C11orf54: variants seen among roughly 807,000 people sequenced by gnomAD.
C11orf54 encodes beta-keto L-gulonate decarboxylase.
A neutral mutation model predicts 35.5 loss-of-function variants in C11orf54; 29 were observed. That is an observed-to-expected ratio of 0.82 (90% CI 0.61 to 1.11). The LOEUF (loss-of-function observed/expected upper bound fraction) is 1.11. Among genes scored for constraint, C11orf54 ranks in the 50% most tolerant of loss-of-function variants. The pLI is 0.00. For missense variants in C11orf54, 373 were observed against 369.2 expected, an observed-to-expected ratio of 1.01 and a Z score of -0.08; for synonymous variants, 108 against 121.1, an observed-to-expected ratio of 0.89 and a Z score of 0.71.
intron 5 of C11orf54, 35 bp downstream of exon 5, chr11:93,754,072 G>T: frequency 6.4e-7 from 1 of 1,562,958 alleles, no homozygotes; most frequent in East Asian, 2.2e-5. Flanking sequence ...TTACTTTATT[G>T]GTTTGACATT....
Position 93,747,377 on chromosome 11 carries a change from C to G in C11orf54, c.-17C>G. ...GTAGCTCTATTTGTCCAACCTCACA[C>G]CTAAAGAAGAAAGAAAATGGCTTGT... On this transcript the variant is annotated 5_prime_UTR_variant, in exon 2 of 9. Coordinates refer to ENST00000354421, the MANE Select transcript of C11orf54 (RefSeq NM_001286069.2). The G allele has an allele frequency of 6.3e-7, 1 of 1,580,856 alleles. No individual in the cohort carries two copies. Among genetic ancestry groups the G allele is most frequent in the Non-Finnish European group, 8.6e-7 (1 of 1,166,016 alleles).
At chr11:93,761,427 A>T in intron 8 of C11orf54, 88 bp from the exon 9 acceptor site, 1 of 1,249,002 alleles carries the variant, frequency 8.0e-7, no homozygotes, top group Non-Finnish European at 1.1e-6. Flanking sequence ...TAAAAAATAA[A>T]AACTATTGCA....
At chr11:93,753,480 G>C (rs1942954756) in intron 3 of C11orf54, among the ~76,000 whole-genome samples, 1 of 152,104 alleles carries the variant, frequency 6.6e-6, no homozygotes, top group Admixed American at 6.6e-5. Flanking sequence ...AACTTTATAA[G>C]CCATGCTTGG....
chr11:93,757,158 C>G (rs1232991999), intron 6 of C11orf54, among the ~76,000 whole-genome samples, 158 bp from the exon 7 acceptor site: 1 of 151,926 alleles, frequency 6.6e-6, no homozygotes, highest in Non-Finnish European at 1.5e-5. Flanking sequence ...ATATATATGA[C>G]TGATCAAAAT....
chr11:93,746,777 TA>T (rs1319133442), intron 1 of C11orf54: 1 of 152,234 alleles, frequency 6.6e-6, no homozygotes, highest in East Asian at 1.9e-4. Context: ...ATTTTTGGCC[TA>T]AATGTGAAAT....
chr11:93,751,218 GAA>G (rs963893631), intron 3 of C11orf54, among the ~76,000 whole-genome samples: 1 of 152,042 alleles, frequency 6.6e-6, no homozygotes, highest in East Asian at 1.9e-4. Context: ...TTCTGTCTTA[GAA>G]CAAACCTGAC....
intron 2 of C11orf54, among the ~76,000 whole-genome samples, chr11:93,749,522 A>AAC (rs1942696736): frequency 2.0e-5 from 3 of 151,222 alleles, no homozygotes; most frequent in African/African-American, 7.3e-5. Context: ...AAAAAAAAAA[A>AAC]AAAAACTGTT....
chr11:93,741,761 T>C (rs1942074936), intron 1 of C11orf54, 33 bp downstream of exon 1: 1 of 299,904 alleles, frequency 3.3e-6, no homozygotes, highest in African/African-American at 2.2e-5. Flanking sequence ...TTTCGGCAAA[T>C]AACAAAAACA....
intron 1 of C11orf54, among the ~76,000 whole-genome samples, chr11:93,742,418 A>G (rs1033891756): frequency 2.6e-5 from 4 of 151,840 alleles, no homozygotes; most frequent in African/African-American, 9.7e-5. Context: ...CCAGTAGCTG[A>G]GATTACAGGC....
chr11:93,761,815 A>G lies in C11orf54; in HGVS notation c.*127A>G. 1 of 913,234 alleles carries G rather than the reference A, an allele frequency of 1.1e-6. No individual in the cohort carries two copies. The highest frequency in any genetic ancestry group is 1.5e-6 in the Non-Finnish European group (1 of 671,796). 56.6% of individuals were successfully genotyped at this position (913,234 alleles called of 1,614,324 possible). ...CCAGGCACAATGGCTCATGCCTATAATCCCAGCACTTTGGGAGGCTGAGGC... is the reference window on the plus strand; with the variant it reads ...CCAGGCACAATGGCTCATGCCTATAGTCCCAGCACTTTGGGAGGCTGAGGC... On this transcript the variant is annotated 3_prime_UTR_variant, in exon 9 of 9. Transcript: ENST00000354421.
In C11orf54 at chr11:93,763,021, G is replaced by A. The variant is rs928426390; in HGVS notation, c.*1333G>A. On this transcript the variant is annotated 3_prime_UTR_variant, in exon 9 of 9. Transcript: ENST00000354421. Reference sequence around the variant, plus strand: ...TTTGGATGTTAGCTATGTCTTGTGAGTATAAATTCCAATTTTAAGCACTAT... The same window carrying A: ...TTTGGATGTTAGCTATGTCTTGTGAATATAAATTCCAATTTTAAGCACTAT... 2 of 152,116 alleles carry A rather than the reference G, an allele frequency of 1.3e-5. No homozygotes were observed. The highest frequency in any genetic ancestry group is 2.9e-5 in the Non-Finnish European group (2 of 68,026). The allele number at this position is 152,116 out of a possible 1,614,324, so 9.4% of individuals were successfully genotyped here. A position where few individuals can be genotyped will look rare whatever the true frequency, so the allele number is the denominator to read the frequency against.
At chr11:93,760,513 C>CAA (rs34700840) in intron 8 of C11orf54, among the ~76,000 whole-genome samples, 3 of 151,422 alleles carry the variant, frequency 2.0e-5, no homozygotes, top group East Asian at 1.9e-4. Flanking sequence ...ATCCCCATCT[C>CAA]AAAAAAAACA....
At chr11:93,743,541 T>G (rs962387344) in intron 1 of C11orf54, among the ~76,000 whole-genome samples, 1 of 152,090 alleles carries the variant, frequency 6.6e-6, no homozygotes. Flanking sequence ...CGCTCCACCC[T>G]TTATGGGAGG....
chr11:93,753,549 G>A, intron 3 of C11orf54, 133 bp from the exon 4 acceptor site: 2 of 720,060 alleles, frequency 2.8e-6, no homozygotes, highest in Non-Finnish European at 4.6e-6. Context: ...TAGCCACTAT[G>A]TCTTCCAATC....
chr11:93,762,353 G>C lies in C11orf54; in HGVS notation c.*665G>C, dbSNP rs1335527793. The C allele has an allele frequency of 1.3e-5, 2 of 152,212 alleles. No individual in the cohort carries two copies. The highest frequency in any genetic ancestry group is 2.9e-5 in the Non-Finnish European group (2 of 68,050). The allele number at this position is 152,212 out of a possible 1,614,324, so 9.4% of individuals were successfully genotyped here. ...AAATGTTGATAGTTATTGAATCTTT[G>C]AATTGAATTTTAAAAATCCATTCTA... On this transcript the variant is annotated 3_prime_UTR_variant, in exon 9 of 9. Transcript: ENST00000354421.
In C11orf54 at chr11:93,754,119, C is replaced by T. The variant is rs1037090479; in HGVS notation, c.330+82C>T. The T allele has an allele frequency of 2.1e-5, 24 of 1,157,372 alleles. No individual in the cohort carries two copies. The Admixed American group carries it at 4.3e-4, about 21-fold the overall frequency. The allele number at this position is 1,157,372 out of a possible 1,614,324, so 71.7% of individuals were successfully genotyped here. A position where few individuals can be genotyped will look rare whatever the true frequency, so the allele number is the denominator to read the frequency against. On this transcript the variant is annotated intron_variant, in intron 5 of 8. Coordinates refer to ENST00000354421, the MANE Select transcript of C11orf54 (RefSeq NM_001286069.2). ...TTTGCTTTTAGTGCCAAAAATCCTA[C>T]TTTCTGAGTGAATTGTAAATCTCTC...
chr11:93,750,261 G>A (rs1591343158), intron 2 of C11orf54, 85 bp from the exon 3 acceptor site: 5 of 935,622 alleles, frequency 5.3e-6, no homozygotes, highest in Admixed American at 3.8e-5. Flanking sequence ...GATTGGGAGT[G>A]TGTTGAGAGC....
In C11orf54 at chr11:93,747,328, G is replaced by T. The variant is rs1006003456; in HGVS notation, c.-66G>T. Reference sequence around the variant, plus strand: ...AACTGTTCATACTTGGTGCGCTGTGGACTCTTGTGATAATTAACCAAGAGT... The same window carrying T: ...AACTGTTCATACTTGGTGCGCTGTGTACTCTTGTGATAATTAACCAAGAGT... On this transcript the variant is annotated 5_prime_UTR_variant, in exon 2 of 9. Coordinates refer to ENST00000354421, the MANE Select transcript of C11orf54 (RefSeq NM_001286069.2). 2.5e-5 allele frequency: 31 copies of T among 1,262,348 alleles called. No homozygotes were observed. The highest frequency in any genetic ancestry group is 1.2e-4 in the Admixed American group (5 of 42,722). The allele number at this position is 1,262,348 out of a possible 1,614,324, so 78.2% of individuals were successfully genotyped here. A position where few individuals can be genotyped will look rare whatever the true frequency, so the allele number is the denominator to read the frequency against.
intron 1 of C11orf54, among the ~76,000 whole-genome samples, chr11:93,743,353 C>G (rs1942252359): frequency 6.6e-6 from 1 of 152,238 alleles, no homozygotes; most frequent in Non-Finnish European, 1.5e-5. Flanking sequence ...GCTCTGCCAC[C>G]CAGGCTGGAG....
Sources: allele counts gnomAD v4.1 joint callset (sites outside exome capture counted in the v4.1 genomes callset), GRCh38; gene constraint gnomAD v4.1.1; transcripts MANE v1.5; gene names NCBI Gene and HGNC (gene_info 2026-07-23, HGNC 2026-07-21).